Variants in CAPN13 observed in about 807,000 individuals in gnomAD.
CAPN13 encodes calpain-13.
CAPN13 carries 90 observed loss-of-function variants against 98.4 expected under a neutral mutation model. The ratio of observed to expected loss-of-function variants is 0.92; its 90% CI spans 0.77 to 1.09. CAPN13 has a LOEUF of 1.09. Ranked by LOEUF, CAPN13 falls within the 50% of genes least tolerant of loss-of-function variation. The pLI is 0.00. For missense variants in CAPN13, 887 were observed against 841.3 expected (o/e 1.05, Z -0.67); for synonymous variants, 330 against 305.5 (o/e 1.08, Z -0.84).
At chr2:30,728,421 T>A (rs1042381089) in intron 22 of CAPN13, among the ~76,000 whole-genome samples, 1 of 147,520 alleles carries the variant, frequency 6.8e-6, no homozygotes, top group Admixed American at 6.8e-5. Context: ...GTGAATAATA[T>A]GGGAACCCAT....
rs539403932 is a variant in CAPN13 at position 30,730,232 on chromosome 2, G to A, written c.*30+498C>T. On this transcript the variant is annotated intron_variant, in intron 22 of 22. Transcript: ENST00000295055. ...TGAAAAAAAATGTAGAGGAAATGAC[G>A]TGAGTGTTAATTCTTCAGCACACTC... Among the ~76,000 whole-genome samples, 10 of 152,254 alleles carry A rather than the reference G, an allele frequency of 6.6e-5. No homozygotes were observed. In the South Asian group the frequency reaches 1.2e-3, roughly 19 times the overall value.
rs374775173 is a variant in CAPN13 at position 30,770,406 on chromosome 2, C to T, written c.431G>A (p.Arg144His). ...GCATTTATCTCCCTGGACAGGTAGG[C>T]GGTCATCAATCACCACTTCCACCCA... ...GQWVEVVIDD[R>H]LPVQGDKCLF... Residue 144 changes from arginine to histidine, a missense_variant, in exon 5 of 23, where the codon CGC becomes CAC. Transcript: ENST00000295055. 25 of 1,613,874 alleles carry T rather than the reference C, an allele frequency of 1.5e-5. No individual in the cohort carries two copies. The highest frequency in any genetic ancestry group is 1.6e-4 in the Middle Eastern group (1 of 6,084).
chr2:30,729,828 C>T (rs957892365), intron 22 of CAPN13: 14 of 152,100 alleles, frequency 9.2e-5, no homozygotes, highest in African/African-American at 2.4e-5. Context: ...AGGTCGGCTG[C>T]GTGAAGAACT....
chr2:30,738,390 C>T lies in CAPN13; in HGVS notation c.1594+10G>A. ...AGGATGGGGCCAGCTTGCCCTTGGGCTGCTCATACCTGTTAGAAGCTCCTG... is the reference window on the plus strand; with the variant it reads ...AGGATGGGGCCAGCTTGCCCTTGGGTTGCTCATACCTGTTAGAAGCTCCTG... On this transcript the variant is annotated intron_variant, in intron 16 of 22. Transcript: ENST00000295055. 1 of 1,609,396 alleles carries T rather than the reference C, an allele frequency of 6.2e-7. No homozygotes were observed. The highest frequency in any genetic ancestry group is 8.5e-7 in the Non-Finnish European group (1 of 1,177,632).
Position 30,762,557 on chromosome 2 carries a change from G to A in CAPN13, c.774+525C>T, listed in dbSNP as rs575159124. Among the ~76,000 whole-genome samples the A allele has an allele frequency of 4.7e-4, 72 of 152,310 alleles. 1 individual carries two copies. Among genetic ancestry groups the A allele is most frequent in the South Asian group, 1.9e-3 (9 of 4,824 alleles). ...TCTTTCTCTCCCCTGGCTGGGAGATGAGGGATCAGAGCAGCTGTCTTGGGC... is the reference window on the plus strand; with the variant it reads ...TCTTTCTCTCCCCTGGCTGGGAGATAAGGGATCAGAGCAGCTGTCTTGGGC... On this transcript the variant is annotated intron_variant, in intron 7 of 22. Transcript: ENST00000295055.
chr2:30,730,635 G>T lies in CAPN13; in HGVS notation c.*30+95C>A, dbSNP rs1478568926. The T allele has an allele frequency of 7.2e-6, 5 of 690,228 alleles. No individual in the cohort carries two copies. In the East Asian group the frequency reaches 1.0e-4, roughly 14 times the overall value. 42.8% of individuals were successfully genotyped at this position (690,228 alleles called of 1,614,324 possible). ...GTAAGGGTCTGTCATCCCTGGGGAG[G>T]CTCTCCCAAGGAGAGAGTCTTATGT... On this transcript the variant is annotated intron_variant, in intron 22 of 22. Coordinates refer to ENST00000295055, the MANE Select transcript of CAPN13 (RefSeq NM_144575.3).
At chr2:30,798,278 A>C (rs1674992199) in intron 1 of CAPN13, among the ~76,000 whole-genome samples, 1 of 152,214 alleles carries the variant, frequency 6.6e-6, no homozygotes, top group South Asian at 2.1e-4. Flanking sequence ...CAATGACATG[A>C]ATTACCACAG....
intron 4 of CAPN13, among the ~76,000 whole-genome samples, chr2:30,774,598 C>A (rs991166075): frequency 3.3e-5 from 5 of 152,170 alleles, no homozygotes; most frequent in Middle Eastern, 3.4e-3. Context: ...GTATAAATTT[C>A]AAGAATTAAC....
At chr2:30,737,915 T>C in intron 17 of CAPN13, 1 of 376,434 alleles carries the variant, frequency 2.7e-6, no homozygotes, top group Non-Finnish European at 5.0e-6. Context: ...TTCTACTGTA[T>C]TATGAGATGA....
chr2:30,738,474 A>C lies in CAPN13; in HGVS notation c.1537-17T>G. The C allele has an allele frequency of 2.5e-6, 4 of 1,592,856 alleles. No homozygotes were observed. Among genetic ancestry groups the C allele is most frequent in the Non-Finnish European group, 3.4e-6 (4 of 1,169,120 alleles). On this transcript the variant is annotated splice_polypyrimidine_tract_variant and intron_variant, in intron 15 of 22. Coordinates refer to ENST00000295055, the MANE Select transcript of CAPN13 (RefSeq NM_144575.3). ...GTCCAGCCTCTGATCCAAACAAGGA[A>C]GGAATGCAGGAATTATATCAGTGCC...
intron 20 of CAPN13, among the ~76,000 whole-genome samples, chr2:30,731,908 T>G (rs1014601042): frequency 6.6e-6 from 1 of 151,860 alleles, no homozygotes; most frequent in Non-Finnish European, 1.5e-5. Flanking sequence ...TGGGGAGGGG[T>G]CTGGCCTCTC....
At position 30,738,391 on chromosome 2, in the gene CAPN13, T is replaced by C. The variant is rs752528181; in HGVS notation, c.1594+9A>G. The C allele has an allele frequency of 1.7e-5, 28 of 1,609,602 alleles. No homozygotes were observed. Among genetic ancestry groups the C allele is most frequent in the Non-Finnish European group, 2.4e-5 (28 of 1,177,814 alleles). ...GGATGGGGCCAGCTTGCCCTTGGGC[T>C]GCTCATACCTGTTAGAAGCTCCTGG... On this transcript the variant is annotated intron_variant, in intron 16 of 22. Coordinates refer to ENST00000295055, the MANE Select transcript of CAPN13 (RefSeq NM_144575.3).
At chr2:30,749,152 G>T (rs575314982) in intron 11 of CAPN13, among the ~76,000 whole-genome samples, 1 of 152,190 alleles carries the variant, frequency 6.6e-6, no homozygotes, top group Non-Finnish European at 1.5e-5. Flanking sequence ...TTGTACTTCT[G>T]AAGTACAGGT....
chr2:30,732,507 T>G lies in CAPN13; in HGVS notation c.1858A>C (p.Ser620Arg). The G allele has an allele frequency of 1.2e-6, 2 of 1,612,592 alleles. No individual in the cohort carries two copies. Among genetic ancestry groups the G allele is most frequent in the South Asian group, 2.2e-5 (2 of 90,738 alleles). The change falls in exon 20 of 23, where the codon AGC becomes CGC. Residue 620 changes from serine (S) to arginine (R), a missense_variant. Physicochemically the swap from Ser to Arg is moderately radical, Grantham distance 110. Transcript: ENST00000295055. ...ELLHLVTLRY[S>R]DSVGRVSFPS... The stretch of plus-strand genomic sequence containing the variant: ...AAGCTGACCCTGCCGACGCTGTCGC[T>G]GTACCTGAGGGTCACCAGATGCAGC...
At chr2:30,788,190 T>C (rs1674418435) in intron 1 of CAPN13, among the ~76,000 whole-genome samples, 2 of 152,220 alleles carry the variant, frequency 1.3e-5, no homozygotes, top group Admixed American at 6.5e-5. Flanking sequence ...GCTTCTGCAA[T>C]TTGGAGCGAA....
At chr2:30,726,403 A>G (rs1670861115) in intron 22 of CAPN13, among the ~76,000 whole-genome samples, 1 of 152,232 alleles carries the variant, frequency 6.6e-6, no homozygotes, top group South Asian at 2.1e-4. Flanking sequence ...AGGCAAGAAA[A>G]AGAAATAAAA....
chr2:30,772,057 C>T (rs1001133119), intron 4 of CAPN13, among the ~76,000 whole-genome samples: 36 of 152,324 alleles, frequency 2.4e-4, no homozygotes, highest in African/African-American at 1.2e-4. Flanking sequence ...AATAACTCTT[C>T]GCCCTATCTT....
rs186627741 is a variant in CAPN13, at chr2:30,753,084, A to G, written c.1056T>C (p.Phe352=). 1.9e-6 allele frequency: 3 copies of G among 1,613,988 alleles called. No individual in the cohort carries two copies. The highest frequency in any genetic ancestry group is 2.2e-5 in the East Asian group (1 of 44,874). Residue 352 remains phenylalanine (F), a synonymous_variant, in exon 10 of 23, where the codon TTT becomes TTC. Coordinates refer to ENST00000295055, the MANE Select transcript of CAPN13 (RefSeq NM_144575.3). Reference sequence around the variant, plus strand: ...TGTTTCCTAGAATCACTTGCTTCCTAAACATTATTTGGGACCATCCTTCGT... The same window carrying G: ...TGTTTCCTAGAATCACTTGCTTCCTGAACATTATTTGGGACCATCCTTCGT... ...TLHEGWSQIM[F]RKQVILGNTA...
At chr2:30,779,061 G>A (rs1374122168) in intron 2 of CAPN13, among the ~76,000 whole-genome samples, 1 of 152,222 alleles carries the variant, frequency 6.6e-6, no homozygotes, top group Non-Finnish European at 1.5e-5. Flanking sequence ...AAGGAGGCCT[G>A]CTGTCAAAGA....
Sources: gnomAD v4.1 joint callset for allele counts (sites outside exome capture counted in the v4.1 genomes callset) on GRCh38, gnomAD v4.1.1 for gene constraint, MANE v1.5 for transcripts, NCBI Gene and HGNC (gene_info 2026-07-23, HGNC 2026-07-21) for gene names.